KLHL33: variants seen among roughly 807,000 people sequenced by gnomAD.
KLHL33 encodes the protein kelch-like protein 33.
Under a neutral mutation model 60.8 loss-of-function variants are expected in KLHL33, and 46 were observed. That is an observed-to-expected ratio of 0.76 (90% CI 0.60 to 0.97). KLHL33 has a LOEUF of 0.97. Ranked by LOEUF, KLHL33 falls within the 50% of genes least tolerant of loss-of-function variation. The probability of loss-of-function intolerance (pLI) is 0.00; values close to 1 mark genes in which losing one functional copy is unlikely to be tolerated. For synonymous variants in KLHL33, 434 were observed against 432.2 expected, an observed-to-expected ratio of 1.00 and a Z score of -0.05; for missense variants, 1,055 against 1,000.0, an observed-to-expected ratio of 1.05 and a Z score of -0.74.
chr14:20,433,157 T>G (rs1344138967), intron 2 of KLHL33, among the ~76,000 whole-genome samples: 2 of 152,198 alleles, frequency 1.3e-5, no homozygotes, highest in Non-Finnish European at 2.9e-5. Flanking sequence ...TCCTTTAAAC[T>G]TCAGTAAAAA....
chr14:20,429,088 G>T lies in KLHL33; in HGVS notation c.2155C>A (p.His719Asn), dbSNP rs372157970. 2.8e-5 allele frequency: 43 copies of T among 1,551,522 alleles called. No individual in the cohort carries two copies. The highest frequency in any genetic ancestry group is 1.4e-4 in the Admixed American group (7 of 50,988). The change falls in exon 5 of 5, where the codon CAT becomes AAT. Residue 719 changes from histidine (H) to asparagine (N), a missense_variant. By Grantham distance (68) the His-to-Asn change is moderately conservative. Transcript: ENST00000636854. ...AGCACAGCACTTGCAGCCCCCACAT[G>T]GGGGGAGGGTAGGGGTGCCAGGTGA... is the stretch of plus-strand genomic sequence containing the variant. The part of the protein sequence containing the change: ...WTHLAPLPSP[H>N]VGAASAVLQG...
In KLHL33 at chr14:20,427,342, C is replaced by G. The variant is rs1038932551; in HGVS notation, c.*1507G>C. 5 of 151,972 alleles carry G rather than the reference C, an allele frequency of 3.3e-5. No individual in the cohort carries two copies. Among genetic ancestry groups the G allele is most frequent in the African/African-American group, 1.2e-4 (5 of 41,348 alleles). The allele number at this position is 151,972 out of a possible 1,614,324, so 9.4% of individuals were successfully genotyped here. On this transcript the variant is annotated 3_prime_UTR_variant, in exon 5 of 5. Coordinates refer to ENST00000636854, the MANE Select transcript of KLHL33 (RefSeq NM_001365790.2). The stretch of plus-strand genomic sequence containing the variant: ...AGGTGAGTCATAGAGGGCGGGAATA[C>G]ACAATCATTAAGTGAAAGCCATTAT...
At chr14:20,429,480 A>T (rs1346296153) in intron 4 of KLHL33, 22 bp downstream of exon 4, 1 of 1,551,798 alleles carries the variant, frequency 6.4e-7, no homozygotes, top group East Asian at 2.4e-5. Context: ...AATCTCTCCC[A>T]GATGCCCCCT....
intron 2 of KLHL33, 81 bp from the exon 3 acceptor site, chr14:20,430,800 T>TTTGGCCAAACTCTAAGA: frequency 2.3e-6 from 2 of 869,588 alleles, no homozygotes; most frequent in Non-Finnish European, 3.1e-6. Flanking sequence ...GTACTCTAAG[T>TTTGGCCAAACTCTAAGA]TTGGCCAAAC....
In KLHL33 at chr14:20,435,378, C is replaced by A. The variant is rs1880655671; in HGVS notation, c.434G>T (p.Gly145Val). 3 of 1,234,212 alleles carry A rather than the reference C, an allele frequency of 2.4e-6. No individual in the cohort carries two copies. In the South Asian group the frequency reaches 1.2e-4, roughly 51 times the overall value. The allele number at this position is 1,234,212 out of a possible 1,614,324, so 76.5% of individuals were successfully genotyped here. The change falls in exon 2 of 5, where the codon GGC becomes GTC. Residue 145 changes from glycine (G) to valine (V), a missense_variant. Gly to Val is a moderately radical substitution (Grantham distance 109). Coordinates refer to ENST00000636854, the MANE Select transcript of KLHL33 (RefSeq NM_001365790.2). ...SSLFRDRLLG[G>V]GGPRPPFSLE... ...GCTGAAGGGGGGCCGCGGACCTCCG[C>A]CGCCCAGCAGCCTGTCTCGGAAGAG...
chr14:20,432,452 A>G (rs920428391), intron 2 of KLHL33, among the ~76,000 whole-genome samples: 7 of 150,406 alleles, frequency 4.7e-5, no homozygotes, highest in Non-Finnish European at 1.0e-4. Context: ...TTTACCAATC[A>G]ATATATAAAG....
chr14:20,434,613 C>A lies in KLHL33; in HGVS notation c.748+451G>T, dbSNP rs571504155. Among the ~76,000 whole-genome samples, 5 of 152,034 alleles carry A rather than the reference C, an allele frequency of 3.3e-5. No homozygotes were observed. In the South Asian group the frequency reaches 1.0e-3, roughly 32 times the overall value. On this transcript the variant is annotated intron_variant, in intron 2 of 4. Transcript: ENST00000636854. Reference sequence around the variant, plus strand: ...CAGACCTTGCTCATTAGCTGCAGGGCCCATAAGTCAGCCATGGCGTCAAGC... The same window carrying A: ...CAGACCTTGCTCATTAGCTGCAGGGACCATAAGTCAGCCATGGCGTCAAGC...
chr14:20,433,288 T>TG (rs1373714771), intron 2 of KLHL33, among the ~76,000 whole-genome samples: 4 of 152,078 alleles, frequency 2.6e-5, no homozygotes, highest in African/African-American at 7.2e-5. Flanking sequence ...AATAAAAAGG[T>TG]GGGGGGTAAT....
rs1880416263 is a variant in KLHL33, at chr14:20,429,498, T to C, written c.1841+4A>G. On this transcript the variant is annotated splice_donor_region_variant and intron_variant, in intron 4 of 4. Transcript: ENST00000636854. ...CTCTCCCAGATGCCCCCTTGCCTGC[T>C]TACCTCCAGACATTGAGCTCAGGGT... 7 of 1,552,202 alleles carry C rather than the reference T, an allele frequency of 4.5e-6. No individual in the cohort carries two copies. In the South Asian group the frequency reaches 7.1e-5, roughly 16 times the overall value.
chr14:20,429,994 G>A lies in KLHL33; in HGVS notation c.1474C>T (p.Pro492Ser), dbSNP rs1299135816. Residue 492 changes from proline (P) to serine (S), a missense_variant, in exon 3 of 5, where the codon CCA (proline) becomes TCA (serine). Coordinates refer to ENST00000636854, the MANE Select transcript of KLHL33 (RefSeq NM_001365790.2). Reference protein sequence around the residue: ...GLRPDMALRQPSRAVWWARAF... With the variant: ...GLRPDMALRQSSRAVWWARAF... ...CGGGCCCACCACACTGCTCGGGATG[G>A]TTGTCTTAGGGCCATGTCTGGTCTG... The A allele has an allele frequency of 1.0e-5, 16 of 1,551,602 alleles. No homozygotes were observed. The highest frequency in any genetic ancestry group is 1.0e-5 in the Non-Finnish European group (12 of 1,147,002).
chr14:20,433,291 G>A (rs887472575), intron 2 of KLHL33, among the ~76,000 whole-genome samples: 14 of 152,234 alleles, frequency 9.2e-5, no homozygotes, highest in Admixed American at 2.6e-4. Flanking sequence ...AAAAAGGTGG[G>A]GGGTAATGCT....
At chr14:20,431,439 G>A (rs1880506908) in intron 2 of KLHL33, among the ~76,000 whole-genome samples, 1 of 152,150 alleles carries the variant, frequency 6.6e-6, no homozygotes, top group Admixed American at 6.6e-5. Flanking sequence ...TTAAAATAAG[G>A]AAACTGGTTG....
intron 2 of KLHL33, among the ~76,000 whole-genome samples, chr14:20,432,926 A>AAAAGAAAGAAAG (rs59220485): frequency 0.24 from 24,912 of 104,424 alleles, 3,579 homozygotes; most frequent in Middle Eastern, 0.26. Context: ...CATCTCAAAA[A>AAAAGAAAGAAAG]AAAGAAAGAA....
At chr14:20,432,959 A>AAAGAAAGG (rs1880563438) in intron 2 of KLHL33, among the ~76,000 whole-genome samples, 1 of 151,572 alleles carries the variant, frequency 6.6e-6, no homozygotes. Context: ...AGAAAGAAAG[A>AAAGAAAGG]AAGAAAGAAA....
At chr14:20,435,909 T>A (rs1880681068) in intron 1 of KLHL33, 79 bp from the exon 2 acceptor site, 1 of 1,070,506 alleles carries the variant, frequency 9.3e-7, no homozygotes, top group African/African-American at 1.6e-5. Flanking sequence ...CTCCAGCCAG[T>A]TGAAATGTCA....
In KLHL33 at chr14:20,430,663, C is replaced by T. The variant is rs1196772764; in HGVS notation, c.805G>A (p.Gly269Arg). 6.5e-6 allele frequency: 10 copies of T among 1,534,548 alleles called. No individual in the cohort carries two copies. The highest frequency in any genetic ancestry group is 2.7e-5 in the African/African-American group (2 of 73,086). ...SEFFGAMLLS[G>R]MRESQGTEVS... ...TCTGTGCCCTGGGATTCCCTCATCCCGCTCAGGAGCATGGCCCCAAAGAAC... is the reference window on the plus strand; with the variant it reads ...TCTGTGCCCTGGGATTCCCTCATCCTGCTCAGGAGCATGGCCCCAAAGAAC... Residue 269 changes from glycine to arginine, a missense_variant, in exon 3 of 5, where the codon GGG becomes AGG. Transcript: ENST00000636854.
intron 2 of KLHL33, among the ~76,000 whole-genome samples, chr14:20,432,946 G>GAAAGAAAGAAAGAAAGAA (rs1277523655): frequency 1.3e-5 from 2 of 149,460 alleles, no homozygotes; most frequent in South Asian, 4.2e-4. Flanking sequence ...AAGAAAGAAA[G>GAAAGAAAGAAAGAAAGAA]AAAGAAAGAA....
Position 20,435,657 on chromosome 14 carries a change from A to C in KLHL33, c.155T>G (p.Leu52Arg). Residue 52 changes from leucine (L) to arginine (R), a missense_variant, in exon 2 of 5, where the codon CTG (leucine) becomes CGG (arginine). Coordinates refer to ENST00000636854, the MANE Select transcript of KLHL33 (RefSeq NM_001365790.2). ...CAGGGGCCTGGAACCAGGCTCCTCC[A>C]GAGGAAAGGAAGGCAATCTGGGATC... ...DEDPRLPSFP[L>R]EEPGSRPLVP... 7 of 1,234,776 alleles carry C rather than the reference A, an allele frequency of 5.7e-6. No individual in the cohort carries two copies. The highest frequency in any genetic ancestry group is 6.1e-6 in the Non-Finnish European group (6 of 988,438). 76.5% of individuals were successfully genotyped at this position (1,234,776 alleles called of 1,614,324 possible). A position where few individuals can be genotyped will look rare whatever the true frequency, so the allele number is the denominator to read the frequency against.
chr14:20,429,700 G>C, intron 3 of KLHL33, 31 bp from the exon 4 acceptor site: 3 of 1,544,670 alleles, frequency 1.9e-6, no homozygotes, highest in Non-Finnish European at 2.6e-6. Flanking sequence ...GATTGGAAGA[G>C]GGACTCTGGG....
Sources: gnomAD v4.1 joint callset for allele counts (sites outside exome capture counted in the v4.1 genomes callset) on GRCh38, gnomAD v4.1.1 for gene constraint, MANE v1.5 for transcripts, NCBI Gene and HGNC (gene_info 2026-07-23, HGNC 2026-07-21) for gene names.